CADM2: variants seen among roughly 807,000 people sequenced by gnomAD.
The protein encoded by CADM2 is immunoglobulin superfamily member 4D.
A neutral mutation model predicts 49.8 loss-of-function variants in CADM2; 12 were observed. The observed-to-expected ratio is 0.24, with a 90% CI of 0.15 to 0.39. CADM2 has a LOEUF of 0.39. CADM2 is among the 10% of genes least tolerant of loss of function. The pLI is 1.00. For missense variants in CADM2, 378 were observed against 492.3 expected, an observed-to-expected ratio of 0.77 and a Z score of 2.20; for synonymous variants, 214 against 175.4, an observed-to-expected ratio of 1.22 and a Z score of -1.74.
intron 1 of CADM2, among the ~76,000 whole-genome samples, chr3:85,072,739 A>T (rs1369847361): frequency 6.6e-6 from 1 of 152,092 alleles, no homozygotes; most frequent in African/African-American, 2.4e-5. Flanking sequence ...AATTTAGATA[A>T]AAATTTTAAA....
chr3:85,868,441 A>T (rs375324721), intron 3 of CADM2, among the ~76,000 whole-genome samples: 1 of 152,132 alleles, frequency 6.6e-6, no homozygotes, highest in Non-Finnish European at 1.5e-5. Context: ...GAGCACATCA[A>T]TTCTTACCTA....
intron 1 of CADM2, among the ~76,000 whole-genome samples, chr3:85,451,248 G>A (rs919846783): frequency 6.6e-6 from 1 of 152,036 alleles, no homozygotes; most frequent in Non-Finnish European, 1.5e-5. Flanking sequence ...CAGAAAGAAT[G>A]GGAATGAATC....
At chr3:85,474,134 C>A (rs1243695354) in intron 1 of CADM2, among the ~76,000 whole-genome samples, 1 of 151,300 alleles carries the variant, frequency 6.6e-6, no homozygotes, top group Non-Finnish European at 1.5e-5. Flanking sequence ...AAAAATAGAA[C>A]CAACAGGAGG....
intron 3 of CADM2, among the ~76,000 whole-genome samples, chr3:85,850,247 TA>T (rs1177019140): frequency 6.9e-6 from 1 of 144,410 alleles, no homozygotes; most frequent in Non-Finnish European, 1.5e-5. Context: ...TTATGGTACA[TA>T]AAAAACCAAG....
intron 1 of CADM2, among the ~76,000 whole-genome samples, chr3:85,593,470 A>G (rs2063162583): frequency 6.6e-6 from 1 of 152,028 alleles, no homozygotes; most frequent in Admixed American, 6.6e-5. Context: ...CAAAATGTAT[A>G]TCTGTGTTCT....
In CADM2 at chr3:85,212,896, C is replaced by CTTTCTTTCTTTCTTTT. The variant is rs1559723958; in HGVS notation, c.61+253231_61+253232insCTTTCTTTCTTTTTTT. Among the ~76,000 whole-genome samples the CTTTCTTTCTTTCTTTT allele has an allele frequency of 3.4e-5, 4 of 117,904 alleles. 1 individual carries two copies. Among genetic ancestry groups the CTTTCTTTCTTTCTTTT allele is most frequent in the African/African-American group, 1.7e-4 (4 of 23,044 alleles). The allele number at this position is 117,904 out of a possible 152,430, so 77.3% of individuals were successfully genotyped here. On this transcript the variant is annotated intron_variant, in intron 1 of 9. Coordinates refer to ENST00000383699, the MANE Select transcript of CADM2 (RefSeq NM_001167675.2). The stretch of plus-strand genomic sequence containing the variant: ...TTTCTTTCTTTCTTTCTCTTTCTTT[C>CTTTCTTTCTTTCTTTT]TTTTAATGGAGTCTCACACTGTCAC...
chr3:85,239,574 T>G (rs2042483690), intron 1 of CADM2, among the ~76,000 whole-genome samples: 1 of 151,626 alleles, frequency 6.6e-6, no homozygotes, highest in African/African-American at 2.4e-5. Flanking sequence ...TAAATGTAAC[T>G]TAATGTTTCA....
chr3:85,202,899 C>T (rs79953206), intron 1 of CADM2, among the ~76,000 whole-genome samples: 14,481 of 152,228 alleles, frequency 0.095, 850 homozygotes, highest in African/African-American at 0.16. Context: ...GCATTGGCTG[C>T]TTCACCTAGC....
intron 1 of CADM2, among the ~76,000 whole-genome samples, chr3:85,698,885 C>T (rs2066653946): frequency 6.6e-6 from 1 of 152,108 alleles, no homozygotes; most frequent in African/African-American, 2.4e-5. Context: ...TAACTCATTT[C>T]AACATTAACT....
At chr3:85,245,648 A>C (rs1190289625) in intron 1 of CADM2, among the ~76,000 whole-genome samples, 1 of 152,074 alleles carries the variant, frequency 6.6e-6, no homozygotes, top group Non-Finnish European at 1.5e-5. Flanking sequence ...TTTGATCAAC[A>C]CTTAAGGAAA....
intron 8 of CADM2, among the ~76,000 whole-genome samples, chr3:86,047,453 GT>G (rs1736813690): frequency 6.6e-6 from 1 of 152,080 alleles, no homozygotes; most frequent in South Asian, 2.1e-4. Context: ...CCTTATTAAT[GT>G]CTCCAGAGAA....
At chr3:85,984,827 A>G (rs1032673006) in intron 8 of CADM2, among the ~76,000 whole-genome samples, 6 of 151,994 alleles carry the variant, frequency 3.9e-5, no homozygotes, top group Non-Finnish European at 7.4e-5. Flanking sequence ...AGTCTTTGAA[A>G]TGGTAGAATT....
At chr3:85,504,959 G>GGCC in intron 1 of CADM2, among the ~76,000 whole-genome samples, 1 of 152,188 alleles carries the variant, frequency 6.6e-6, no homozygotes, top group East Asian at 2.0e-4. Context: ...AGGGCCGGCC[G>GGCC]GCTGCTTCGC....
At chr3:85,800,247 G>A (rs1205349368) in intron 2 of CADM2, 6 of 152,222 alleles carry the variant, frequency 3.9e-5, no homozygotes, top group Non-Finnish European at 5.9e-5. Context: ...TACGAAGCTC[G>A]AGTATCCCAG....
chr3:85,921,319 TACAC>T (rs530092390), intron 6 of CADM2, among the ~76,000 whole-genome samples: 1 of 150,928 alleles, frequency 6.6e-6, no homozygotes, highest in Admixed American at 6.6e-5. Flanking sequence ...CACACACACA[TACAC>T]ACACACACAG....
At chr3:85,094,963 G>A (rs2037738402) in intron 1 of CADM2, among the ~76,000 whole-genome samples, 1 of 152,020 alleles carries the variant, frequency 6.6e-6, no homozygotes, top group African/African-American at 2.4e-5. Context: ...GTCTCCGAAA[G>A]GACCATGTAT....
chr3:85,809,132 C>T (rs1181028167), intron 3 of CADM2, among the ~76,000 whole-genome samples: 1 of 152,084 alleles, frequency 6.6e-6, no homozygotes, highest in African/African-American at 2.4e-5. Flanking sequence ...ATAATGATAG[C>T]TTATAGTTAT....
chr3:85,724,148 A>G (rs1018060041), intron 1 of CADM2, among the ~76,000 whole-genome samples: 2 of 152,098 alleles, frequency 1.3e-5, no homozygotes, highest in Non-Finnish European at 2.9e-5. Context: ...AGTTAAATAA[A>G]CCAATTTATG....
At chr3:85,678,392 T>G (rs2065943772) in intron 1 of CADM2, among the ~76,000 whole-genome samples, 1 of 152,194 alleles carries the variant, frequency 6.6e-6, no homozygotes, top group African/African-American at 2.4e-5. Flanking sequence ...AATCCTAGGC[T>G]ATATCCAGAG....
Sources: gnomAD v4.1 joint callset for allele counts (sites outside exome capture counted in the v4.1 genomes callset) on GRCh38, gnomAD v4.1.1 for gene constraint, MANE v1.5 for transcripts, NCBI Gene and HGNC (gene_info 2026-07-23, HGNC 2026-07-21) for gene names.